The following KNDC1 variants were observed in gnomAD, a reference collection of about 807,000 sequenced individuals.
The protein encoded by KNDC1 is kinase non-catalytic C-lobe domain containing 1, also known as kinase non-catalytic C-lobe domain-containing protein 1.
KNDC1 carries 106 observed loss-of-function variants against 172.8 expected under a neutral mutation model. The observed-to-expected ratio is 0.61, with a 90% CI of 0.52 to 0.72. The LOEUF (loss-of-function observed/expected upper bound fraction) is 0.72. Among genes scored for constraint, KNDC1 ranks in the 30% least tolerant of loss-of-function variants. KNDC1 has a pLI of 0.00. For synonymous variants in KNDC1, 1,083 were observed against 1,062.2 expected (o/e 1.02, Z -0.38); for missense variants, 2,325 against 2,394.5 (o/e 0.97, Z 0.61).
intron 7 of KNDC1, among the ~76,000 whole-genome samples, chr10:133,188,998 A>G (rs73388533): frequency 0.061 from 9,207 of 152,058 alleles, 887 homozygotes; most frequent in African/African-American, 0.2. Context: ...GGACTTTGCC[A>G]TGGCCCTCGC....
At chr10:133,194,423 T>C (rs1358926632) in intron 9 of KNDC1, among the ~76,000 whole-genome samples, 2 of 152,076 alleles carry the variant, frequency 1.3e-5, no homozygotes, top group African/African-American at 4.8e-5. Flanking sequence ...GCTGAGATAC[T>C]GGACTATATC....
chr10:133,211,470 C>G lies in KNDC1; in HGVS notation c.3957C>G (p.Ser1319Arg), dbSNP rs763828129. Residue 1319 changes from serine to arginine, a missense_variant, in exon 22 of 30, where the codon AGC (serine) becomes AGG (arginine). By Grantham distance (110) the Ser-to-Arg change is moderately radical. Coordinates refer to ENST00000304613, the MANE Select transcript of KNDC1 (RefSeq NM_152643.8). The stretch of plus-strand genomic sequence containing the variant: ...CCTTCACCAAGATCTACAGGCGGAG[C>G]CTCTGCGTCCTGCAGGCCTGGGTGG... ...TSTFTKIYRR[S>R]LCVLQAWVED... 1 of 1,613,932 alleles carries G rather than the reference C, an allele frequency of 6.2e-7. No homozygotes were observed. Among genetic ancestry groups the G allele is most frequent in the Non-Finnish European group, 8.5e-7 (1 of 1,179,894 alleles).
chr10:133,217,288 G>A (rs1845485773), intron 26 of KNDC1, among the ~76,000 whole-genome samples: 2 of 152,252 alleles, frequency 1.3e-5, no homozygotes, highest in Non-Finnish European at 2.9e-5. Flanking sequence ...AACAGACTGA[G>A]ACGTCAGCGT....
chr10:133,195,854 G>A lies in KNDC1; in HGVS notation c.1734+33G>A, dbSNP rs1021640198. 15 of 1,504,574 alleles carry A rather than the reference G, an allele frequency of 1.0e-5. No homozygotes were observed. The African/African-American group carries it at 1.7e-4, about 17-fold the overall frequency. 93.2% of individuals were successfully genotyped at this position (1,504,574 alleles called of 1,614,324 possible). ...CACCACAGTCATGGCCCCAGCCCAG[G>A]GTCCAAGGACTGTGGGCAGTGGCCG... On this transcript the variant is annotated intron_variant, in intron 10 of 29. Coordinates refer to ENST00000304613, the MANE Select transcript of KNDC1 (RefSeq NM_152643.8).
rs151235501 is a variant in KNDC1, at chr10:133,211,532, G to A, written c.4019G>A (p.Gly1340Glu). 9 of 1,613,902 alleles carry A rather than the reference G, an allele frequency of 5.6e-6. No individual in the cohort carries two copies. The highest frequency in any genetic ancestry group is 7.6e-6 in the Non-Finnish European group (9 of 1,179,930). ...CYAVDFPRNS[G>E]LLGKLEDFIS... Reference sequence around the variant, plus strand: ...GCTGTGGACTTCCCTCGGAACAGCGGGCTGCTGGGGAAGCTAGAGGACTTC... The same window carrying A: ...GCTGTGGACTTCCCTCGGAACAGCGAGCTGCTGGGGAAGCTAGAGGACTTC... The change falls in exon 22 of 30, where the codon GGG becomes GAG. Residue 1340 changes from glycine (G) to glutamate (E), a missense_variant. By Grantham distance (98) the Gly-to-Glu change is moderately conservative (BLOSUM62 -2). Coordinates refer to ENST00000304613, the MANE Select transcript of KNDC1 (RefSeq NM_152643.8).
At position 133,199,554 on chromosome 10, in the gene KNDC1, T is replaced by C. The variant is rs1449080804; in HGVS notation, c.2855T>C (p.Leu952Pro). The C allele has an allele frequency of 1.9e-6, 3 of 1,613,882 alleles. No homozygotes were observed. Among genetic ancestry groups the C allele is most frequent in the Non-Finnish European group, 2.5e-6 (3 of 1,179,996 alleles). ...FCDLYWDEKLLQNLFKVVNGQ... is the reference protein window; with the variant it reads ...FCDLYWDEKLPQNLFKVVNGQ... ...GACCTGTACTGGGATGAGAAGTTGC[T>C]GCAGAACCTCTTTAAGGTGGTCAAC... The change falls in exon 15 of 30, where the codon CTG becomes CCG. Residue 952 changes from leucine (L) to proline (P), a missense_variant. Coordinates refer to ENST00000304613, the MANE Select transcript of KNDC1 (RefSeq NM_152643.8).
chr10:133,222,095 A>C (rs1423898591), intron 29 of KNDC1, among the ~76,000 whole-genome samples: 1 of 150,382 alleles, frequency 6.6e-6, no homozygotes, highest in African/African-American at 2.4e-5. Flanking sequence ...CAGCCTGGCC[A>C]ACATGGTGAA....
At position 133,167,438 on chromosome 10, in the gene KNDC1, G is replaced by A. The variant is rs1285813616; in HGVS notation, c.160G>A (p.Glu54Lys). Reference protein sequence around the residue: ...SLRDRGLSEQEAWAVCLECSL... With the variant: ...SLRDRGLSEQKAWAVCLECSL... ...GCGGGACCGCGGCCTCAGCGAGCAG[G>A]AAGCCTGGGCCGTGTGCCTGGAGTG... is the stretch of plus-strand genomic sequence containing the variant. The change falls in exon 2 of 30, where the codon GAA (glutamate) becomes AAA (lysine). Residue 54 changes from glutamate to lysine, a missense_variant. Transcript: ENST00000304613. The A allele has an allele frequency of 6.2e-7, 1 of 1,606,200 alleles. No individual in the cohort carries two copies. Among genetic ancestry groups the A allele is most frequent in the Admixed American group, 1.7e-5 (1 of 59,072 alleles).
intron 20 of KNDC1, among the ~76,000 whole-genome samples, chr10:133,210,364 CAAAAAAAAAA>C (rs57759593): frequency 2.7e-5 from 2 of 74,442 alleles, no homozygotes; most frequent in Admixed American, 1.8e-4. Flanking sequence ...GAAACTCTGC[CAAAAAAAAAA>C]AAAAAAAAAA....
intron 21 of KNDC1, 26 bp downstream of exon 21, chr10:133,210,750 C>T (rs367771603): frequency 1.3e-5 from 20 of 1,555,130 alleles, no homozygotes; most frequent in East Asian, 1.1e-4. Context: ...GCTCCACGCC[C>T]GCCAGAGCTT....
At chr10:133,188,045 G>A (rs1404095044) in intron 6 of KNDC1, among the ~76,000 whole-genome samples, 1 of 151,988 alleles carries the variant, frequency 6.6e-6, no homozygotes, top group Non-Finnish European at 1.5e-5. Context: ...CTGTCCTCAC[G>A]GTTCCTCCCC....
intron 3 of KNDC1, among the ~76,000 whole-genome samples, chr10:133,177,082 T>C (rs1480061909): frequency 6.6e-6 from 1 of 152,170 alleles, no homozygotes; most frequent in East Asian, 1.9e-4. Flanking sequence ...CTCACCCTCT[T>C]CTGCTGGGGA....
chr10:133,185,353 G>A (rs967447704), intron 5 of KNDC1, among the ~76,000 whole-genome samples: 23 of 104,136 alleles, frequency 2.2e-4, no homozygotes, highest in Non-Finnish European at 3.3e-4. Context: ...GCAGTGTGGA[G>A]TAGGCAGTGT....
intron 4 of KNDC1, 22 bp from the exon 5 acceptor site, chr10:133,183,846 CCTGT>C: frequency 1.6e-5 from 24 of 1,519,512 alleles, no homozygotes; most frequent in Non-Finnish European, 2.0e-5. Flanking sequence ...TCCGAGCCTT[CCTGT>C]CTGAGGTGTT....
chr10:133,218,797 A>G (rs777212129), intron 26 of KNDC1, 34 bp from the exon 27 acceptor site: 6 of 1,602,122 alleles, frequency 3.7e-6, no homozygotes, highest in Non-Finnish European at 4.3e-6. Flanking sequence ...ATCTTAAACC[A>G]GAAGACGCTG....
rs1429397463 is a variant in KNDC1 at position 133,198,927 on chromosome 10, G to A, written c.2419G>A (p.Ala807Thr). 4.5e-6 allele frequency: 7 copies of A among 1,562,840 alleles called. No homozygotes were observed. The highest frequency in any genetic ancestry group is 5.2e-6 in the Non-Finnish European group (6 of 1,159,150). ...GGCTGAGCCGATCCCACCTGGAGTT[G>A]CTTCCGGGGGCCTCAGGCCCGACGC... Reference protein sequence around the residue: ...GPAEPIPPGVASGGLRPDALG... With the variant: ...GPAEPIPPGVTSGGLRPDALG... The change falls in exon 14 of 30, where the codon GCT (alanine) becomes ACT (threonine). Residue 807 changes from alanine to threonine, a missense_variant. By Grantham distance (58) the Ala-to-Thr change is moderately conservative. Coordinates refer to ENST00000304613, the MANE Select transcript of KNDC1 (RefSeq NM_152643.8).
chr10:133,196,974 T>C, intron 10 of KNDC1, 84 bp from the exon 11 acceptor site: 2 of 1,126,602 alleles, frequency 1.8e-6, no homozygotes, highest in Admixed American at 3.5e-5. Context: ...CCCTGAGCTT[T>C]TTCAGATGGG....
chr10:133,209,339 G>A lies in KNDC1; in HGVS notation c.3795-1272G>A, dbSNP rs111064274. 0.11 allele frequency among the ~76,000 whole-genome samples: 17,072 copies of A among 151,038 alleles called. 1,463 individuals carry two copies. The highest frequency in any genetic ancestry group is 0.25 in the African/African-American group (10,069 of 40,918). The stretch of plus-strand genomic sequence containing the variant: ...GTGTGTGTGCACGTGTGTGCTGTGC[G>A]GTGTGGGGTATAGTGTGTGCACATG... On this transcript the variant is annotated intron_variant, in intron 20 of 29. Coordinates refer to ENST00000304613, the MANE Select transcript of KNDC1 (RefSeq NM_152643.8). This position sits in a 1 kb window ranked among gnomAD's most constrained non-coding sequence, Gnocchi z 4.9.
In KNDC1 at chr10:133,219,639, A is replaced by G. The variant is rs186677990; in HGVS notation, c.4861-316A>G. 3.4e-3 allele frequency among the ~76,000 whole-genome samples: 512 copies of G among 152,288 alleles called. 1 individual carries two copies. Among genetic ancestry groups the G allele is most frequent in the Non-Finnish European group, 6.4e-3 (438 of 68,020 alleles). On this transcript the variant is annotated intron_variant, in intron 28 of 29. Transcript: ENST00000304613. Reference sequence around the variant, plus strand: ...GCTCTGGTCAGCCGGGGTCTCATTTAGGGAAGCTGGGTTACCTGGCACTTC... The same window carrying G: ...GCTCTGGTCAGCCGGGGTCTCATTTGGGGAAGCTGGGTTACCTGGCACTTC...
Sources: allele counts gnomAD v4.1 joint callset (sites outside exome capture counted in the v4.1 genomes callset), GRCh38; gene constraint gnomAD v4.1.1; non-coding constraint Gnocchi (gnomAD v3.1); transcripts MANE v1.5; gene names NCBI Gene and HGNC (gene_info 2026-07-23, HGNC 2026-07-21).